IL2RB: variants seen among roughly 807,000 people sequenced by gnomAD.
IL2RB encodes interleukin-2 receptor subunit beta.
A neutral mutation model predicts 44.2 loss-of-function variants in IL2RB; 17 were observed. That is an observed-to-expected ratio of 0.38 (90% CI 0.26 to 0.58). The LOEUF (loss-of-function observed/expected upper bound fraction) is 0.58. Among genes scored for constraint, IL2RB ranks in the 20% least tolerant of loss-of-function variants. IL2RB has a pLI of 0.63. For missense variants in IL2RB, 624 were observed against 685.5 expected (o/e 0.91, Z 1.00); for synonymous variants, 286 against 297.9 (o/e 0.96, Z 0.41).
chr22:37,164,821 T>A (rs1923013568), intron 1 of IL2RB, among the ~76,000 whole-genome samples: 2 of 151,976 alleles, frequency 1.3e-5, no homozygotes, highest in African/African-American at 4.8e-5. Context: ...CCCAGGGAGG[T>A]ACTAGGTAAC....
chr22:37,137,002 T>A (rs1921740707), intron 6 of IL2RB, among the ~76,000 whole-genome samples: 1 of 152,084 alleles, frequency 6.6e-6, no homozygotes, highest in Non-Finnish European at 1.5e-5. Flanking sequence ...CCCCGTTGGG[T>A]TTTCTTGATG....
intron 1 of IL2RB, among the ~76,000 whole-genome samples, chr22:37,164,794 T>C (rs1000342787): frequency 7.2e-5 from 11 of 152,176 alleles, no homozygotes; most frequent in Admixed American, 5.9e-4. Flanking sequence ...AGCAGAAAGT[T>C]CTAGAAGCAT....
chr22:37,165,440 A>G (rs1467279082), intron 1 of IL2RB, among the ~76,000 whole-genome samples: 2 of 152,200 alleles, frequency 1.3e-5, no homozygotes, highest in Admixed American at 6.5e-5. Flanking sequence ...GCCAGTCAGC[A>G]TGGAGCGTTT....
chr22:37,143,689 A>C, intron 2 of IL2RB, 54 bp from the exon 3 acceptor site: 1 of 1,262,656 alleles, frequency 7.9e-7, no homozygotes, highest in Non-Finnish European at 1.2e-6. Context: ...CAGCCCCCCC[A>C]AGACACGCCC....
rs1300954921 is a variant in IL2RB, at chr22:37,127,199, G to A, written c.*897C>T. ...TGCAGCAGGCATCCACTTTGTGGGG[G>A]GATCTGTGCCCTTACTTGGGCCCCA... On this transcript the variant is annotated 3_prime_UTR_variant, in exon 10 of 10. Coordinates refer to ENST00000216223, the MANE Select transcript of IL2RB (RefSeq NM_000878.5). 6.6e-6 allele frequency: 1 copy of A among 152,086 alleles called. No individual in the cohort carries two copies. The highest frequency in any genetic ancestry group is 2.4e-5 in the African/African-American group (1 of 41,312). 9.4% of individuals were successfully genotyped at this position (152,086 alleles called of 1,614,324 possible).
intron 1 of IL2RB, among the ~76,000 whole-genome samples, chr22:37,165,521 C>T (rs1385490073): frequency 6.6e-6 from 1 of 152,128 alleles, no homozygotes; most frequent in Non-Finnish European, 1.5e-5. Context: ...CAAGACTCCA[C>T]CCAGCCCTCA....
At chr22:37,166,547 A>G (rs1157943871) in intron 1 of IL2RB, among the ~76,000 whole-genome samples, 1 of 152,196 alleles carries the variant, frequency 6.6e-6, no homozygotes, top group African/African-American at 2.4e-5. Flanking sequence ...CCTGGGCTCC[A>G]CATCCACGAC....
chr22:37,160,885 T>C (rs528757847), intron 1 of IL2RB, among the ~76,000 whole-genome samples: 12 of 152,194 alleles, frequency 7.9e-5, no homozygotes, highest in African/African-American at 2.6e-4. Flanking sequence ...CTCACACCTG[T>C]AATCCCAGCA....
intron 1 of IL2RB, among the ~76,000 whole-genome samples, chr22:37,149,437 A>T (rs1922381303): frequency 6.6e-6 from 1 of 151,828 alleles, no homozygotes; most frequent in Non-Finnish European, 1.5e-5. Context: ...AGAGGTCAGG[A>T]GGGGGCTCCC....
chr22:37,158,616 C>T (rs1330793081), intron 1 of IL2RB, among the ~76,000 whole-genome samples: 3 of 152,098 alleles, frequency 2.0e-5, no homozygotes, highest in Admixed American at 6.5e-5. Context: ...CCAGGATGTA[C>T]GGAGAAGAGA....
chr22:37,157,196 C>T (rs932503273), intron 1 of IL2RB, among the ~76,000 whole-genome samples: 1 of 152,186 alleles, frequency 6.6e-6, no homozygotes, highest in Non-Finnish European at 1.5e-5. Flanking sequence ...AGCAGGCTAG[C>T]GGCCGACTTC....
chr22:37,159,573 G>T (rs953621612), intron 1 of IL2RB, among the ~76,000 whole-genome samples: 12 of 152,150 alleles, frequency 7.9e-5, no homozygotes, highest in African/African-American at 1.9e-4. Context: ...TCTGCCTCTT[G>T]GTCTCTGCCT....
chr22:37,152,104 A>G (rs2146255711), upstream of IL2RB, among the ~76,000 whole-genome samples: 1 of 152,322 alleles, frequency 6.6e-6, no homozygotes, highest in East Asian at 1.9e-4. Flanking sequence ...ACTTCTGTGA[A>G]GAATGTCATT....
At chr22:37,144,309 C>T in intron 1 of IL2RB, 104 bp from the exon 2 acceptor site, 1 of 1,389,888 alleles carries the variant, frequency 7.2e-7, no homozygotes, top group Non-Finnish European at 9.6e-7. Context: ...ATGGTCTGCA[C>T]TCCTCGGTGC....
Position 37,137,738 on chromosome 22 carries a change from G to A in IL2RB, c.389-3C>T. On this transcript the variant is annotated splice_polypyrimidine_tract_variant and splice_region_variant and intron_variant, in intron 5 of 9. Coordinates refer to ENST00000216223, the MANE Select transcript of IL2RB (RefSeq NM_000878.5). ...GGAGATGGGGGCCATCAGGCGAACT[G>A]GAGACAACAGGGGGTAGGGGAGAGC... The A allele has an allele frequency of 1.2e-6, 2 of 1,613,222 alleles. No homozygotes were observed. Among genetic ancestry groups the A allele is most frequent in the African/African-American group, 1.3e-5 (1 of 74,976 alleles).
intron 1 of IL2RB, among the ~76,000 whole-genome samples, chr22:37,162,710 C>A (rs1216011226): frequency 6.6e-6 from 1 of 152,116 alleles, no homozygotes; most frequent in Non-Finnish European, 1.5e-5. Context: ...TTTACCAAAT[C>A]CCTGACCCCC....
At chr22:37,132,334 A>T (rs1433192489) in intron 9 of IL2RB, 50 bp downstream of exon 9, 1 of 1,443,768 alleles carries the variant, frequency 6.9e-7, no homozygotes, top group Non-Finnish European at 9.7e-7. Context: ...CCACCCCCTC[A>T]TCCCACTCAC....
chr22:37,160,985 T>C (rs1203177447), intron 1 of IL2RB, among the ~76,000 whole-genome samples: 1 of 151,462 alleles, frequency 6.6e-6, no homozygotes, highest in Non-Finnish European at 1.5e-5. Flanking sequence ...CTACTAAAAA[T>C]ACAAAATTAG....
At chr22:37,140,388 C>T (rs996237913) in intron 4 of IL2RB, among the ~76,000 whole-genome samples, 17 of 151,794 alleles carry the variant, frequency 1.1e-4, no homozygotes, top group Non-Finnish European at 2.1e-4. Flanking sequence ...CACACTGTGC[C>T]GGGCACTCTT....
Sources: allele counts gnomAD v4.1 joint callset (sites outside exome capture counted in the v4.1 genomes callset), GRCh38; gene constraint gnomAD v4.1.1; transcripts MANE v1.5; gene names NCBI Gene and HGNC (gene_info 2026-07-23, HGNC 2026-07-21).